ZBTB20: variants seen among roughly 807,000 people sequenced by gnomAD.
The protein encoded by ZBTB20 is zinc finger and BTB domain-containing protein 20.
A neutral mutation model predicts 56.9 loss-of-function variants in ZBTB20; 9 were observed. The ratio of observed to expected loss-of-function variants is 0.16; its 90% CI spans 0.10 to 0.28. The LOEUF (loss-of-function observed/expected upper bound fraction) is 0.28. Ranked by LOEUF, ZBTB20 falls within the 10% of genes least tolerant of loss-of-function variation. The probability of loss-of-function intolerance (pLI) is 1.00; values close to 1 mark genes in which losing one functional copy is unlikely to be tolerated. For synonymous variants in ZBTB20, 417 were observed against 420.7 expected (o/e 0.99, Z 0.11); for missense variants, 655 against 1,003.0 (o/e 0.65, Z 4.69).
At chr3:114,652,655 C>G (rs76819674) in intron 6 of ZBTB20, among the ~76,000 whole-genome samples, 6,884 of 151,906 alleles carry the variant, frequency 0.045, 190 homozygotes, top group Non-Finnish European at 0.067. Flanking sequence ...TATTCTTTTT[C>G]TAAGTTTTCT....
chr3:115,123,164 G>A (rs534053734), intron 1 of ZBTB20, among the ~76,000 whole-genome samples: 1 of 152,044 alleles, frequency 6.6e-6, no homozygotes, highest in South Asian at 2.1e-4. Flanking sequence ...TAAGATATTT[G>A]GTCAGCAAAG....
At chr3:114,805,556 A>G (rs985674917) in intron 4 of ZBTB20, among the ~76,000 whole-genome samples, 1 of 151,832 alleles carries the variant, frequency 6.6e-6, no homozygotes, top group Non-Finnish European at 1.5e-5. Context: ...TCGCTTGCTT[A>G]GGAGAATGTC....
intron 5 of ZBTB20, among the ~76,000 whole-genome samples, chr3:114,715,426 A>G (rs192447360): frequency 4.5e-4 from 69 of 152,342 alleles, no homozygotes; most frequent in African/African-American, 1.5e-3. Context: ...GGAAATGTGC[A>G]TCAAGCTCAG....
chr3:114,481,236 G>A (rs1033033479), intron 7 of ZBTB20, among the ~76,000 whole-genome samples: 1 of 148,930 alleles, frequency 6.7e-6, no homozygotes, highest in Non-Finnish European at 1.5e-5. Context: ...CTCTAGAAAT[G>A]GCCCCATCGA....
intron 2 of ZBTB20, among the ~76,000 whole-genome samples, chr3:115,060,756 A>C (rs1014570347): frequency 6.6e-6 from 1 of 152,182 alleles, no homozygotes; most frequent in Admixed American, 6.5e-5. Context: ...CCTTGTTTAC[A>C]CCAAGATACA....
intron 4 of ZBTB20, among the ~76,000 whole-genome samples, chr3:114,822,255 AAT>A (rs1480574759): frequency 2.6e-5 from 4 of 152,136 alleles, no homozygotes; most frequent in African/African-American, 9.7e-5. Flanking sequence ...ATGAGATATA[AAT>A]AGTTTCTGGA....
chr3:114,378,560 C>A (rs1192550063), intron 10 of ZBTB20, among the ~76,000 whole-genome samples: 1 of 152,240 alleles, frequency 6.6e-6, no homozygotes, highest in Non-Finnish European at 1.5e-5. Context: ...AAGCCCAATG[C>A]TTTTTCTATT....
At chr3:115,072,460 A>G (rs111655925) in intron 1 of ZBTB20, among the ~76,000 whole-genome samples, 8 of 152,272 alleles carry the variant, frequency 5.3e-5, no homozygotes, top group African/African-American at 1.9e-4. Flanking sequence ...GTGTCAGGTA[A>G]GAGTTTGCCC....
chr3:114,396,770 A>T (rs2086369213), intron 7 of ZBTB20, among the ~76,000 whole-genome samples: 1 of 152,084 alleles, frequency 6.6e-6, no homozygotes, highest in Non-Finnish European at 1.5e-5. Context: ...ATTTCTTGAA[A>T]TTTCTCAAAA....
intron 2 of ZBTB20, among the ~76,000 whole-genome samples, chr3:114,998,282 G>A (rs1222272503): frequency 6.6e-6 from 1 of 151,522 alleles, no homozygotes; most frequent in Non-Finnish European, 1.5e-5. Flanking sequence ...CTCATTTTTT[G>A]TACGTCTTTG....
chr3:114,962,717 G>A (rs1394201657), intron 3 of ZBTB20, among the ~76,000 whole-genome samples: 3 of 152,056 alleles, frequency 2.0e-5, no homozygotes, highest in African/African-American at 7.2e-5. Context: ...AAACAGCACT[G>A]TGCCTTCTTG....
At chr3:115,039,395 C>G in intron 2 of ZBTB20, among the ~76,000 whole-genome samples, 1 of 151,950 alleles carries the variant, frequency 6.6e-6, no homozygotes, top group Middle Eastern at 3.2e-3. Flanking sequence ...GTTCCCAAGG[C>G]ATATACTATT....
At chr3:114,763,420 T>G (rs368109529) in intron 5 of ZBTB20, among the ~76,000 whole-genome samples, 56 of 152,314 alleles carry the variant, frequency 3.7e-4, no homozygotes, top group African/African-American at 1.2e-3. Context: ...CAGTTTACTT[T>G]TTATCTATGA....
At chr3:114,386,799 CA>C (rs769503633) in intron 8 of ZBTB20, among the ~76,000 whole-genome samples, 3 of 152,110 alleles carry the variant, frequency 2.0e-5, no homozygotes, top group Non-Finnish European at 1.5e-5. Flanking sequence ...GACTAATCAA[CA>C]TATGTGTTCT....
chr3:114,500,904 G>A (rs1421333856), intron 6 of ZBTB20, among the ~76,000 whole-genome samples: 2 of 152,130 alleles, frequency 1.3e-5, no homozygotes, highest in East Asian at 3.8e-4. Context: ...ACTTCTATTG[G>A]GCAGCACTGA....
chr3:114,902,752 A>C (rs1193917400), intron 3 of ZBTB20, among the ~76,000 whole-genome samples: 2 of 152,192 alleles, frequency 1.3e-5, no homozygotes, highest in Non-Finnish European at 2.9e-5. Context: ...CACATAAAAC[A>C]CATGCACAAT....
chr3:114,538,699 C>G (rs963187367), intron 6 of ZBTB20, among the ~76,000 whole-genome samples: 1 of 152,004 alleles, frequency 6.6e-6, no homozygotes, highest in Non-Finnish European at 1.5e-5. Context: ...GAGACAGGTC[C>G]TGTTTGTGTC....
chr3:114,665,070 C>T (rs1342450191), intron 6 of ZBTB20, among the ~76,000 whole-genome samples: 3 of 151,974 alleles, frequency 2.0e-5, no homozygotes, highest in Non-Finnish European at 4.4e-5. Context: ...AGAAAGGTGC[C>T]AGTGCAAATA....
At chr3:114,832,077 A>G (rs1046685534) in intron 4 of ZBTB20, among the ~76,000 whole-genome samples, 7 of 152,124 alleles carry the variant, frequency 4.6e-5, no homozygotes, top group Non-Finnish European at 5.9e-5. Flanking sequence ...CTGAAAAAAC[A>G]AAAGGTGTTG....
Sources: allele counts gnomAD v4.1 joint callset (sites outside exome capture counted in the v4.1 genomes callset), GRCh38; gene constraint gnomAD v4.1.1; transcripts MANE v1.5; gene names NCBI Gene and HGNC (gene_info 2026-07-23, HGNC 2026-07-21).